Variants in EFCAB6 observed in about 807,000 individuals in gnomAD.
The protein encoded by EFCAB6 is EF-hand calcium binding domain 6, also known as EF-hand calcium-binding domain-containing protein 6.
In EFCAB6, 156 loss-of-function variants were observed where a neutral mutation model predicts 169.8. That is an observed-to-expected ratio of 0.92 (90% CI 0.81 to 1.05). The LOEUF (loss-of-function observed/expected upper bound fraction) is 1.05, where lower values mean the gene tolerates loss of function less well. EFCAB6 is among the 50% of genes least tolerant of loss of function. EFCAB6 has a pLI of 0.00. For missense variants in EFCAB6, 1,800 were observed against 1,829.1 expected, an observed-to-expected ratio of 0.98 and a Z score of 0.29; for synonymous variants, 698 against 676.4, an observed-to-expected ratio of 1.03 and a Z score of -0.50.
At chr22:43,677,848 ACACTTGACCC>A in intron 13 of EFCAB6, 138 bp downstream of exon 13, 1 of 791,514 alleles carries the variant, frequency 1.3e-6, no homozygotes, top group Non-Finnish European at 1.9e-6. Context: ...AAGTGCTTAA[ACACTTGACCC>A]TCACTTAAAA....
At chr22:43,637,752 G>T (rs2055522064) in intron 17 of EFCAB6, among the ~76,000 whole-genome samples, 1 of 152,230 alleles carries the variant, frequency 6.6e-6, no homozygotes, top group Non-Finnish European at 1.5e-5. Context: ...CTGCAGAGGA[G>T]CCTGTCCCAG....
intron 6 of EFCAB6, among the ~76,000 whole-genome samples, chr22:43,737,989 T>C (rs926666950): frequency 4.1e-5 from 6 of 145,138 alleles, no homozygotes; most frequent in Non-Finnish European, 9.1e-5. Flanking sequence ...TATTCGCACA[T>C]ATATTCACAC....
intron 2 of EFCAB6, among the ~76,000 whole-genome samples, chr22:43,793,365 G>C (rs1001435159): frequency 2.0e-5 from 3 of 152,138 alleles, no homozygotes; most frequent in Non-Finnish European, 2.9e-5. Flanking sequence ...AGATTCCAAA[G>C]GGCCAGATCT....
intron 13 of EFCAB6, among the ~76,000 whole-genome samples, chr22:43,676,358 GCAGTGAGCC>G (rs2057759716): frequency 6.7e-6 from 1 of 149,848 alleles, no homozygotes; most frequent in Admixed American, 6.7e-5. Context: ...CAGGGAGGTT[GCAGTGAGCC>G]GAGATCATGC....
Position 43,735,324 on chromosome 22 carries a change from TCCTGCCGCACACCCCAC to T in EFCAB6, c.644+516_644+532del, listed in dbSNP as rs1569454671. ...CACCCTCCTGCCGCACACCCCACCC[TCCTGCCGCACACCCCAC>T]CCTCCTGCCGCACACCCCTCCACCT... On this transcript the variant is annotated intron_variant, in intron 7 of 31. Coordinates refer to ENST00000262726, the MANE Select transcript of EFCAB6 (RefSeq NM_022785.4). Among the ~76,000 whole-genome samples the T allele has an allele frequency of 8.8e-3, 1,331 of 150,958 alleles. 6 individuals are homozygous for T. Among genetic ancestry groups the T allele is most frequent in the Middle Eastern group, 0.034 (10 of 290 alleles).
chr22:43,630,519 T>C (rs951372792), intron 19 of EFCAB6, among the ~76,000 whole-genome samples: 2 of 151,178 alleles, frequency 1.3e-5, no homozygotes, highest in African/African-American at 4.9e-5. Flanking sequence ...ACGCGAGGAG[T>C]GTGTGAGGAA....
chr22:43,713,475 A>G (rs1405892477), intron 9 of EFCAB6, among the ~76,000 whole-genome samples: 2 of 152,226 alleles, frequency 1.3e-5, no homozygotes, highest in African/African-American at 4.8e-5. Flanking sequence ...GTACAAGCTT[A>G]GCAGTATCAA....
intron 13 of EFCAB6, among the ~76,000 whole-genome samples, chr22:43,675,960 A>G (rs946531224): frequency 7.9e-5 from 12 of 152,046 alleles, no homozygotes; most frequent in Non-Finnish European, 1.6e-4. Context: ...AATATAAGTA[A>G]GTAGAGAAAC....
chr22:43,710,930 C>G (rs1462650894), intron 10 of EFCAB6, among the ~76,000 whole-genome samples: 1 of 151,980 alleles, frequency 6.6e-6, no homozygotes, highest in Non-Finnish European at 1.5e-5. Context: ...AAGAAAGCCC[C>G]CATAACAAAC....
chr22:43,698,243 C>T (rs2058646507), intron 10 of EFCAB6, among the ~76,000 whole-genome samples: 1 of 152,176 alleles, frequency 6.6e-6, no homozygotes, highest in Admixed American at 6.5e-5. Context: ...GCCCTCAGCC[C>T]AGTCCCTTTC....
At position 43,590,110 on chromosome 22, in the gene EFCAB6, G is replaced by T; in HGVS notation, c.2996C>A (p.Ser999Tyr). 1 of 1,614,118 alleles carries T rather than the reference G, an allele frequency of 6.2e-7. No homozygotes were observed. Among genetic ancestry groups the T allele is most frequent in the Non-Finnish European group, 8.5e-7 (1 of 1,179,994 alleles). Reference protein sequence around the residue: ...MQEVLEECGCSLTEGELTHLL... With the variant: ...MQEVLEECGCYLTEGELTHLL... ...ATGGGTCAGCTCCCCTTCGGTAAGA[G>T]AACATCCACATTCTTCCAGCACTTC... Residue 999 changes from serine to tyrosine, a missense_variant, in exon 24 of 32, where the codon TCT becomes TAT. Transcript: ENST00000262726.
At position 43,530,553 on chromosome 22, in the gene EFCAB6, T is replaced by C. The variant is rs910895130; in HGVS notation, c.4383+262A>G. 11 of 985,276 alleles carry C rather than the reference T, an allele frequency of 1.1e-5. No homozygotes were observed. In the African/African-American group the frequency reaches 1.9e-4, roughly 17 times the overall value. The allele number at this position is 985,276 out of a possible 1,614,324, so 61.0% of individuals were successfully genotyped here. ...CCTTAAGGAACCTGGGCTCAGGCAC[T>C]GACCCTGAGGAGCTGGCGATGCAGG... is the stretch of plus-strand genomic sequence containing the variant. On this transcript the variant is annotated intron_variant, in intron 31 of 31. Transcript: ENST00000262726.
intron 1 of EFCAB6, among the ~76,000 whole-genome samples, chr22:43,809,795 A>G (rs1431857193): frequency 6.6e-6 from 1 of 152,076 alleles, no homozygotes; most frequent in East Asian, 1.9e-4. Context: ...TAGTAGAGAT[A>G]GGGTCTCACC....
intron 27 of EFCAB6, chr22:43,552,508 G>C (rs1315748105): frequency 6.6e-6 from 1 of 152,124 alleles, no homozygotes; most frequent in Non-Finnish European, 1.5e-5. Context: ...ATTCTGACTG[G>C]CGTGAGATGG....
intron 10 of EFCAB6, among the ~76,000 whole-genome samples, chr22:43,705,216 T>A (rs1167245281): frequency 6.6e-6 from 1 of 152,080 alleles, no homozygotes; most frequent in Non-Finnish European, 1.5e-5. Flanking sequence ...TAAGAGCACC[T>A]AAATATATAA....
In EFCAB6 at chr22:43,589,812, C is replaced by CA. The variant is rs375517475; in HGVS notation, c.3032+261dup. Among the ~76,000 whole-genome samples the CA allele has an allele frequency of 4.6e-5, 7 of 151,868 alleles. No individual in the cohort carries two copies. The South Asian group carries it at 1.0e-3, about 23-fold the overall frequency. ...CAAAAAAACAAAACAACCAAGTAAA[C>CA]AAAAAAAACCCCACTGATGTTAAGA... is the stretch of plus-strand genomic sequence containing the variant. On this transcript the variant is annotated intron_variant, in intron 24 of 31. Transcript: ENST00000262726.
intron 27 of EFCAB6, among the ~76,000 whole-genome samples, chr22:43,545,050 G>A (rs1308377525): frequency 2.0e-5 from 3 of 152,212 alleles, no homozygotes; most frequent in Non-Finnish European, 2.9e-5. Flanking sequence ...AGGAGGCTGA[G>A]GCAGGAGAAT....
At chr22:43,539,092 T>C (rs1029260071) in intron 28 of EFCAB6, among the ~76,000 whole-genome samples, 10 of 152,128 alleles carry the variant, frequency 6.6e-5, no homozygotes, top group Non-Finnish European at 1.2e-4. Flanking sequence ...GCCTCTGGAT[T>C]CCCAGTTAAA....
chr22:43,544,567 C>G (rs1343984243), intron 27 of EFCAB6, among the ~76,000 whole-genome samples: 1 of 152,196 alleles, frequency 6.6e-6, no homozygotes, highest in Non-Finnish European at 1.5e-5. Context: ...CAGTGCTGAG[C>G]TCTGCTGGGA....
Sources: gnomAD v4.1 joint callset for allele counts (sites outside exome capture counted in the v4.1 genomes callset) on GRCh38, gnomAD v4.1.1 for gene constraint, MANE v1.5 for transcripts, NCBI Gene and HGNC (gene_info 2026-07-23, HGNC 2026-07-21) for gene names.